The following FILIP1L variants were observed in gnomAD, a reference collection of about 807,000 sequenced individuals.
FILIP1L encodes filamin A-interacting protein 1-like.
A neutral mutation model predicts 96.6 loss-of-function variants in FILIP1L; 55 were observed. The observed-to-expected ratio is 0.57, with a 90% CI of 0.46 to 0.71. The LOEUF (loss-of-function observed/expected upper bound fraction) is 0.71. Among genes scored for constraint, FILIP1L ranks in the 30% least tolerant of loss-of-function variants. The pLI is 0.00. For synonymous variants in FILIP1L, 467 were observed against 473.9 expected (o/e 0.99, Z 0.19); for missense variants, 1,304 against 1,321.2 (o/e 0.99, Z 0.20).
chr3:99,993,702 A>G (rs751227118), intron 1 of FILIP1L, among the ~76,000 whole-genome samples: 2 of 152,178 alleles, frequency 1.3e-5, no homozygotes, highest in African/African-American at 2.4e-5. Flanking sequence ...GCTGAATTTT[A>G]TCAAATGCTT....
intron 4 of FILIP1L, among the ~76,000 whole-genome samples, chr3:99,917,006 G>A (rs747217606): frequency 1.8e-4 from 27 of 152,190 alleles, no homozygotes; most frequent in Non-Finnish European, 3.1e-4. Flanking sequence ...TTTTGATATG[G>A]TTTAGTGGCT....
Position 99,864,665 on chromosome 3 carries a change from C to T in FILIP1L, c.606-13595G>A, listed in dbSNP as rs565762438. On this transcript the variant is annotated intron_variant, in intron 4 of 5. Transcript: ENST00000477258. ...CATGCTTTCTGCTCCACCCACTTGG[C>T]TCCCTGACCCCTTCTACTGTTCTCC... Among the ~76,000 whole-genome samples, 137 of 152,170 alleles carry T rather than the reference C, an allele frequency of 9.0e-4. No homozygotes were observed. The Middle Eastern group carries it at 0.017, about 19-fold the overall frequency.
At chr3:99,853,122 T>G (rs926144447) in intron 4 of FILIP1L, among the ~76,000 whole-genome samples, 15 of 152,002 alleles carry the variant, frequency 9.9e-5, no homozygotes, top group African/African-American at 3.6e-4. Flanking sequence ...CATAGCAGCT[T>G]CTTCTCAAAT....
chr3:99,943,225 G>A (rs997757232), intron 1 of FILIP1L, among the ~76,000 whole-genome samples: 4 of 152,150 alleles, frequency 2.6e-5, no homozygotes, highest in Admixed American at 6.6e-5. Flanking sequence ...AACCAATTAT[G>A]ACATTAAAAT....
intron 1 of FILIP1L, among the ~76,000 whole-genome samples, chr3:100,105,325 G>A (rs1020444536): frequency 6.6e-6 from 1 of 152,162 alleles, no homozygotes; most frequent in Admixed American, 6.6e-5. Context: ...GGAAAGACAT[G>A]AGCAATAGGA....
rs1413570164 is a variant in FILIP1L, at chr3:99,849,332, T to C, written c.2344A>G (p.Arg782Gly). Residue 782 changes from arginine (R) to glycine (G), a missense_variant, in exon 5 of 6, where the codon AGG (arginine) becomes GGG (glycine). Physicochemically the swap from Arg to Gly is moderately radical, Grantham distance 125. Transcript: ENST00000477258. ...ATTCTTCTTCCATTGAGACTAGGCC[T>C]GAGGCTCTTACTGAAATGCCGGTAC... ...ERYRHFSKSL[R>G]PSLNGRRISD... is the part of the protein sequence containing the mutation. The C allele has an allele frequency of 1.2e-6, 2 of 1,614,082 alleles. No homozygotes were observed. Among genetic ancestry groups the C allele is most frequent in the South Asian group, 1.1e-5 (1 of 91,070 alleles).
chr3:99,850,954 A>G lies in FILIP1L; in HGVS notation c.722T>C (p.Met241Thr), dbSNP rs1029066200. ...CAGCCTTTGCTGTTCATCCACCACC[A>G]TCAAAGCAAAAGACTTCAGCTTGGT... Reference protein sequence around the residue: ...ELTKLKSFALMVVDEQQRLTA... With the variant: ...ELTKLKSFALTVVDEQQRLTA... The change falls in exon 5 of 6, where the codon ATG becomes ACG. Residue 241 changes from methionine to threonine, a missense_variant. Physicochemically the swap from Met to Thr is moderately conservative, Grantham distance 81. Coordinates refer to ENST00000477258, the MANE Select transcript of FILIP1L (RefSeq NM_001387850.1). The G allele has an allele frequency of 3.7e-6, 6 of 1,614,042 alleles. No homozygotes were observed. Among genetic ancestry groups the G allele is most frequent in the Non-Finnish European group, 5.1e-6 (6 of 1,180,026 alleles).
chr3:99,966,254 A>G (rs887638541), intron 1 of FILIP1L, among the ~76,000 whole-genome samples: 2 of 152,142 alleles, frequency 1.3e-5, no homozygotes, highest in Non-Finnish European at 2.9e-5. Context: ...GGAGCTTGTC[A>G]TGGCTGGAAG....
intron 1 of FILIP1L, among the ~76,000 whole-genome samples, chr3:100,081,908 T>A (rs1045835731): frequency 3.9e-5 from 6 of 152,140 alleles, no homozygotes; most frequent in African/African-American, 1.4e-4. Flanking sequence ...CAATTAAAAA[T>A]GTCTCCAGAC....
chr3:100,050,126 G>A (rs889707194), intron 1 of FILIP1L, among the ~76,000 whole-genome samples: 3 of 152,092 alleles, frequency 2.0e-5, no homozygotes, highest in Non-Finnish European at 4.4e-5. Context: ...GGCATCATGG[G>A]GTAGTGTTCG....
chr3:100,024,707 G>T (rs1168720244), intron 1 of FILIP1L, among the ~76,000 whole-genome samples: 1 of 152,168 alleles, frequency 6.6e-6, no homozygotes, highest in Admixed American at 6.5e-5. Context: ...TATTCAGCAT[G>T]TGTGGGCTCA....
At chr3:99,890,695 T>C (rs1367446919) in intron 4 of FILIP1L, among the ~76,000 whole-genome samples, 1 of 152,116 alleles carries the variant, frequency 6.6e-6, no homozygotes, top group African/African-American at 2.4e-5. Context: ...TTCTATAGTC[T>C]TTTACTTTTT....
At chr3:99,951,447 T>G (rs1036505379) in intron 1 of FILIP1L, among the ~76,000 whole-genome samples, 1 of 152,210 alleles carries the variant, frequency 6.6e-6, no homozygotes, top group Non-Finnish European at 1.5e-5. Context: ...ATTGAATGAA[T>G]GAGGTTGTCT....
chr3:100,110,002 T>G (rs1247999084), intron 1 of FILIP1L: 1 of 148,206 alleles, frequency 6.7e-6, no homozygotes, highest in Non-Finnish European at 1.5e-5. Flanking sequence ...TTTTTCTTGT[T>G]CGAAGAAGAA....
At chr3:100,040,117 A>G (rs184988648) in intron 1 of FILIP1L, 17 of 152,194 alleles carry the variant, frequency 1.1e-4, no homozygotes, top group African/African-American at 3.9e-4. Context: ...GAATCAATCC[A>G]AGCTGTCTGA....
chr3:100,080,141 A>C (rs1559750670), intron 1 of FILIP1L, among the ~76,000 whole-genome samples: 2 of 152,096 alleles, frequency 1.3e-5, no homozygotes, highest in African/African-American at 2.4e-5. Flanking sequence ...ATTAATAAAA[A>C]ATTAAAAATT....
At chr3:100,100,266 CA>C (rs1367704538) in intron 1 of FILIP1L, among the ~76,000 whole-genome samples, 2 of 152,094 alleles carry the variant, frequency 1.3e-5, no homozygotes, top group Admixed American at 6.5e-5. Flanking sequence ...AGAGATAGAA[CA>C]GGACTTAGAA....
intron 1 of FILIP1L, among the ~76,000 whole-genome samples, chr3:100,036,773 G>A (rs1157154249): frequency 6.6e-6 from 1 of 152,058 alleles, no homozygotes; most frequent in Non-Finnish European, 1.5e-5. Context: ...TTGGAGTAGA[G>A]AAGCCTGGTA....
chr3:100,012,415 C>A (rs955754122), intron 1 of FILIP1L, among the ~76,000 whole-genome samples: 1 of 152,006 alleles, frequency 6.6e-6, no homozygotes, highest in Non-Finnish European at 1.5e-5. Flanking sequence ...TTGTATTTTT[C>A]AAAAAATTGA....
Sources: allele counts gnomAD v4.1 joint callset (sites outside exome capture counted in the v4.1 genomes callset), GRCh38; gene constraint gnomAD v4.1.1; transcripts MANE v1.5; gene names NCBI Gene and HGNC (gene_info 2026-07-23, HGNC 2026-07-21).